The following RSU1 variants were observed in gnomAD, a reference collection of about 807,000 sequenced individuals.
RSU1 encodes the protein Ras suppressor protein 1.
Under a neutral mutation model 31.1 loss-of-function variants are expected in RSU1, and 26 were observed. The observed-to-expected ratio is 0.84, with a 90% CI of 0.61 to 1.16. The LOEUF is 1.16. RSU1 is among the 50% of genes most tolerant of loss of function. The probability of loss-of-function intolerance (pLI) is 0.00; values close to 1 mark genes in which losing one functional copy is unlikely to be tolerated. For missense variants in RSU1, 320 were observed against 339.1 expected, an observed-to-expected ratio of 0.94 and a Z score of 0.44; for synonymous variants, 164 against 136.3, an observed-to-expected ratio of 1.20 and a Z score of -1.41.
chr10:16,687,089 T>G lies in RSU1; in HGVS notation c.731+7934A>C, dbSNP rs540841714. Among the ~76,000 whole-genome samples, 417 of 152,268 alleles carry G rather than the reference T, an allele frequency of 2.7e-3. 2 individuals carry two copies. Among genetic ancestry groups the G allele is most frequent in the African/African-American group, 9.7e-3 (405 of 41,556 alleles). On this transcript the variant is annotated intron_variant, in intron 8 of 8. Transcript: ENST00000345264. ...GAGGGAAGTAGTGAAGAAAGCAACG[T>G]GGATATGGGAGGGTACATTTTCCAA... is the stretch of plus-strand genomic sequence containing the variant.
chr10:16,609,569 C>T (rs1833860487), intron 8 of RSU1, among the ~76,000 whole-genome samples: 1 of 152,218 alleles, frequency 6.6e-6, no homozygotes, highest in African/African-American at 2.4e-5. Flanking sequence ...AGCCAAGCAC[C>T]TCCCGGGCCC....
chr10:16,664,945 C>CTTT (rs1437400921), intron 8 of RSU1, among the ~76,000 whole-genome samples: 71 of 151,758 alleles, frequency 4.7e-4, no homozygotes, highest in Admixed American at 1.2e-3. Flanking sequence ...TTTTTTCTTT[C>CTTT]TTTCTTCTTT....
intron 8 of RSU1, among the ~76,000 whole-genome samples, chr10:16,644,338 T>C (rs920796048): frequency 3.9e-5 from 6 of 152,226 alleles, no homozygotes; most frequent in African/African-American, 1.4e-4. Flanking sequence ...CTGAGGGATC[T>C]GAATTTAAAC....
At chr10:16,694,705 C>T (rs1232353521) in intron 8 of RSU1, among the ~76,000 whole-genome samples, 7 of 152,010 alleles carry the variant, frequency 4.6e-5, no homozygotes, top group African/African-American at 1.7e-4. Context: ...AGAATAGCTA[C>T]AATGACAAGC....
intron 8 of RSU1, among the ~76,000 whole-genome samples, chr10:16,597,929 T>A (rs1017937956): frequency 1.3e-5 from 2 of 152,226 alleles, no homozygotes; most frequent in African/African-American, 4.8e-5. Context: ...GGCGTTTTAC[T>A]AAGCGGCCAT....
At chr10:16,790,033 G>C (rs1003324728) in intron 2 of RSU1, among the ~76,000 whole-genome samples, 1 of 152,186 alleles carries the variant, frequency 6.6e-6, no homozygotes, top group African/African-American at 2.4e-5. Context: ...ATCAATGGGA[G>C]GGAAGCATTT....
Position 16,593,293 on chromosome 10 carries a change from G to C in RSU1, c.*101C>G, listed in dbSNP as rs889031537. On this transcript the variant is annotated 3_prime_UTR_variant, in exon 9 of 9. Transcript: ENST00000345264. Reference sequence around the variant, plus strand: ...GAGAGTGAAAAGAAAAATAAAAAAGGCCTCACACGCAGCATTGGGTTTATT... The same window carrying C: ...GAGAGTGAAAAGAAAAATAAAAAAGCCCTCACACGCAGCATTGGGTTTATT... The C allele has an allele frequency of 3.2e-6, 5 of 1,547,406 alleles. No homozygotes were observed. In the African/African-American group the frequency reaches 6.9e-5, roughly 21 times the overall value.
At chr10:16,652,715 C>T (rs981893697) in intron 8 of RSU1, among the ~76,000 whole-genome samples, 3 of 152,126 alleles carry the variant, frequency 2.0e-5, no homozygotes, top group Admixed American at 6.6e-5. Flanking sequence ...CAGGATCTGA[C>T]TCTGCCACCC....
chr10:16,752,111 T>C (rs184634389), intron 7 of RSU1, among the ~76,000 whole-genome samples: 1 of 152,304 alleles, frequency 6.6e-6, no homozygotes, highest in Non-Finnish European at 1.5e-5. Context: ...ACTTTAACTA[T>C]TTGGTAAAAG....
chr10:16,789,989 T>A (rs149033758), intron 2 of RSU1, among the ~76,000 whole-genome samples: 2 of 152,192 alleles, frequency 1.3e-5, no homozygotes, highest in East Asian at 3.9e-4. Context: ...TAGGTGAACG[T>A]TGGATCTGGC....
intron 4 of RSU1, among the ~76,000 whole-genome samples, chr10:16,760,532 A>G (rs1837190367): frequency 6.6e-6 from 1 of 151,782 alleles, no homozygotes; most frequent in East Asian, 1.9e-4. Flanking sequence ...AAAAAAAAAA[A>G]GAAAAGTGTA....
intron 2 of RSU1, among the ~76,000 whole-genome samples, chr10:16,795,310 C>T (rs1451625408): frequency 6.9e-6 from 1 of 144,804 alleles, no homozygotes; most frequent in Non-Finnish European, 1.5e-5. Flanking sequence ...GCCGAGATCG[C>T]GCCACTGCAC....
At chr10:16,642,356 C>T (rs1039738564) in intron 8 of RSU1, among the ~76,000 whole-genome samples, 3 of 152,170 alleles carry the variant, frequency 2.0e-5, no homozygotes, top group Non-Finnish European at 4.4e-5. Flanking sequence ...CAGAGGGCAT[C>T]TTGCAGGCAG....
intron 2 of RSU1, 40 bp from the exon 3 acceptor site, chr10:16,782,124 G>C (rs759019328): frequency 1.3e-6 from 2 of 1,502,646 alleles, no homozygotes; most frequent in African/African-American, 1.4e-5. Flanking sequence ...GTCAGTAAAT[G>C]TATCACTGTA....
intron 8 of RSU1, among the ~76,000 whole-genome samples, chr10:16,631,460 G>A (rs769645958): frequency 4.6e-5 from 7 of 152,282 alleles, no homozygotes; most frequent in South Asian, 2.1e-4. Flanking sequence ...GGGGAAACAC[G>A]GCGTGACTTT....
intron 7 of RSU1, among the ~76,000 whole-genome samples, chr10:16,715,588 C>A (rs544426780): frequency 5.3e-5 from 8 of 152,278 alleles, no homozygotes; most frequent in African/African-American, 1.9e-4. Flanking sequence ...GTGGTTTGGG[C>A]ACACTTGTCA....
At chr10:16,708,998 GT>G (rs35261569) in intron 7 of RSU1, among the ~76,000 whole-genome samples, 103 of 142,626 alleles carry the variant, frequency 7.2e-4, no homozygotes, top group Middle Eastern at 3.6e-3. Flanking sequence ...GAGTCCTTTG[GT>G]TTTTTTTTTT....
At chr10:16,802,095 GA>G (rs1838168532) in intron 2 of RSU1, among the ~76,000 whole-genome samples, 1 of 151,196 alleles carries the variant, frequency 6.6e-6, no homozygotes, top group East Asian at 1.9e-4. Flanking sequence ...AGAAATCAGT[GA>G]TACTTAAAAG....
intron 8 of RSU1, among the ~76,000 whole-genome samples, chr10:16,613,052 C>T (rs1833920300): frequency 6.6e-6 from 1 of 152,094 alleles, no homozygotes; most frequent in Non-Finnish European, 1.5e-5. Flanking sequence ...TTGTTCAATT[C>T]AACACCCAGA....
Sources: allele counts gnomAD v4.1 joint callset (sites outside exome capture counted in the v4.1 genomes callset), GRCh38; gene constraint gnomAD v4.1.1; transcripts MANE v1.5; gene names NCBI Gene and HGNC (gene_info 2026-07-23, HGNC 2026-07-21).